The following TTBK2 variants were observed in gnomAD, a reference collection of about 807,000 sequenced individuals.
TTBK2 encodes the protein tau-tubulin kinase 2.
In TTBK2, 28 loss-of-function variants were observed where a neutral mutation model predicts 110.8. The observed-to-expected ratio is 0.25, with a 90% CI of 0.19 to 0.35. The LOEUF (loss-of-function observed/expected upper bound fraction) is 0.35, where lower values mean the gene tolerates loss of function less well. TTBK2 is among the 10% of genes least tolerant of loss of function. The pLI is 1.00. For synonymous variants in TTBK2, 532 were observed against 527.3 expected (o/e 1.01, Z -0.12); for missense variants, 1,369 against 1,500.3 (o/e 0.91, Z 1.45).
At chr15:42,872,829 T>C (rs1894667765) in intron 2 of TTBK2, 71 bp from the exon 3 acceptor site, 2 of 1,537,110 alleles carry the variant, frequency 1.3e-6, no homozygotes, top group South Asian at 2.5e-5. Flanking sequence ...ATTGATCTCT[T>C]ATATTTAGAA....
chr15:42,748,133 T>A (rs1468497774), intron 14 of TTBK2, among the ~76,000 whole-genome samples: 1 of 152,148 alleles, frequency 6.6e-6, no homozygotes, highest in Non-Finnish European at 1.5e-5. Flanking sequence ...TAAAATATCT[T>A]CAATATAATT....
intron 1 of TTBK2, among the ~76,000 whole-genome samples, chr15:42,900,950 T>A (rs2029967932): frequency 6.6e-6 from 1 of 152,134 alleles, no homozygotes; most frequent in African/African-American, 2.4e-5. Context: ...CAAATGATGT[T>A]GGGGAAACTG....
chr15:42,839,114 G>A (rs1176313211), intron 4 of TTBK2, among the ~76,000 whole-genome samples: 1 of 152,118 alleles, frequency 6.6e-6, no homozygotes, highest in African/African-American at 2.4e-5. Context: ...CACCCTCAAA[G>A]TAGGCCCTGG....
chr15:42,856,832 C>T (rs186367244), intron 3 of TTBK2, among the ~76,000 whole-genome samples: 3 of 152,172 alleles, frequency 2.0e-5, no homozygotes, highest in East Asian at 1.9e-4. Flanking sequence ...GAGACTGAGG[C>T]GGGGGATCAC....
At chr15:42,759,183 A>T (rs1424563970) in intron 13 of TTBK2, among the ~76,000 whole-genome samples, 1 of 152,216 alleles carries the variant, frequency 6.6e-6, no homozygotes, top group Non-Finnish European at 1.5e-5. Flanking sequence ...CAGGAAAACT[A>T]ACCCCTGCCA....
At chr15:42,763,383 T>C (rs975249520) in intron 13 of TTBK2, among the ~76,000 whole-genome samples, 2 of 149,428 alleles carry the variant, frequency 1.3e-5, no homozygotes, top group African/African-American at 4.9e-5. Context: ...CTGTCTAATT[T>C]TTGTGTTTTT....
chr15:42,797,556 G>A (rs970273363), intron 9 of TTBK2, among the ~76,000 whole-genome samples: 1 of 152,192 alleles, frequency 6.6e-6, no homozygotes, highest in Non-Finnish European at 1.5e-5. Flanking sequence ...TTCTAATCTA[G>A]CAAAATAATT....
At chr15:42,802,088 C>A (rs779455571) in intron 9 of TTBK2, 4 of 1,461,544 alleles carry the variant, frequency 2.7e-6, no homozygotes, top group Admixed American at 1.7e-5. Context: ...AGGAACCGTA[C>A]CTTGTCTATG....
chr15:42,763,441 T>C (rs946114074), intron 13 of TTBK2, among the ~76,000 whole-genome samples: 3 of 151,110 alleles, frequency 2.0e-5, no homozygotes, highest in Non-Finnish European at 4.4e-5. Flanking sequence ...CTCCAACTCC[T>C]GACCTCAGGT....
intron 14 of TTBK2, among the ~76,000 whole-genome samples, chr15:42,748,978 A>G: frequency 6.6e-6 from 1 of 152,212 alleles, no homozygotes; most frequent in East Asian, 1.9e-4. Flanking sequence ...TGGACAACGT[A>G]TTCTTCACTA....
intron 13 of TTBK2, among the ~76,000 whole-genome samples, chr15:42,754,149 T>C (rs2061909588): frequency 6.6e-6 from 1 of 151,492 alleles, no homozygotes. Context: ...AGTGGTGTGA[T>C]CTTGGCTTAC....
At chr15:42,867,806 A>G (rs1894437495) in intron 3 of TTBK2, among the ~76,000 whole-genome samples, 1 of 152,230 alleles carries the variant, frequency 6.6e-6, no homozygotes, top group Non-Finnish European at 1.5e-5. Flanking sequence ...TACTCTTATT[A>G]TCAAATCCAG....
chr15:42,855,635 A>T (rs925417839), intron 3 of TTBK2, among the ~76,000 whole-genome samples: 55 of 152,246 alleles, frequency 3.6e-4, no homozygotes, highest in African/African-American at 1.3e-3. Context: ...CTCAAAACGA[A>T]AAACAAATCA....
intron 1 of TTBK2, among the ~76,000 whole-genome samples, chr15:42,880,749 A>C (rs1426534006): frequency 2.0e-5 from 3 of 152,046 alleles, no homozygotes; most frequent in Non-Finnish European, 4.4e-5. Flanking sequence ...TCTCCCTTGT[A>C]TATCACACAA....
At chr15:42,758,972 C>G (rs2061985196) in intron 13 of TTBK2, among the ~76,000 whole-genome samples, 1 of 152,196 alleles carries the variant, frequency 6.6e-6, no homozygotes, top group Non-Finnish European at 1.5e-5. Flanking sequence ...GCCAAGCTGC[C>G]ACAGCTTAAT....
intron 10 of TTBK2, 148 bp from the exon 11 acceptor site, chr15:42,783,783 C>G (rs554464959): frequency 2.7e-6 from 2 of 730,364 alleles, no homozygotes; most frequent in South Asian, 3.4e-5. Context: ...TTAGGTTGGC[C>G]GGGCATGGTG....
intron 1 of TTBK2, among the ~76,000 whole-genome samples, chr15:42,913,713 A>G (rs2030921787): frequency 6.6e-6 from 1 of 152,208 alleles, no homozygotes; most frequent in Non-Finnish European, 1.5e-5. Flanking sequence ...TAAACAACCT[A>G]GTTTTCCTCT....
rs768467302 is a variant in TTBK2 at position 42,840,378 on chromosome 15, A to G, written c.273T>C (p.Tyr91=). ...AACCTACCTGCAACTGCATGACCAC[A>G]TAGTTGAATCGATCATTCCTCCCAC... ...IGCGRNDRFN[Y]VVMQLQGRNL... is the part of the protein sequence containing the mutation. The change falls in exon 4 of 15, where the codon TAT becomes TAC. Residue 91 remains tyrosine (Y), a synonymous_variant. Coordinates refer to ENST00000267890, the MANE Select transcript of TTBK2 (RefSeq NM_173500.4). 13 of 1,614,042 alleles carry G rather than the reference A, an allele frequency of 8.1e-6. No individual in the cohort carries two copies. Among genetic ancestry groups the G allele is most frequent in the Non-Finnish European group, 1.1e-5 (13 of 1,179,952 alleles).
chr15:42,907,561 T>C (rs181237000), intron 1 of TTBK2, among the ~76,000 whole-genome samples: 46 of 152,166 alleles, frequency 3.0e-4, no homozygotes, highest in African/African-American at 1.1e-3. Flanking sequence ...ATAAGCCAAG[T>C]ACAGAAAAAT....
Sources: gnomAD v4.1 joint callset for allele counts (sites outside exome capture counted in the v4.1 genomes callset) on GRCh38, gnomAD v4.1.1 for gene constraint, MANE v1.5 for transcripts, NCBI Gene and HGNC (gene_info 2026-07-23, HGNC 2026-07-21) for gene names.